Variants in TNIP3 observed in about 807,000 individuals in gnomAD.
The protein encoded by TNIP3 is TNFAIP3-interacting protein 3.
In TNIP3, 34 loss-of-function variants were observed where a neutral mutation model predicts 54.1. That is an observed-to-expected ratio of 0.63 (90% confidence interval 0.48 to 0.84). The LOEUF is 0.84. Ranked by LOEUF, TNIP3 falls within the 40% of genes least tolerant of loss-of-function variation. The pLI, the probability that TNIP3 is intolerant of heterozygous loss-of-function variation, is 0.00. For missense variants in TNIP3, 366 were observed against 387.6 expected, an observed-to-expected ratio of 0.94 and a Z score of 0.47; for synonymous variants, 134 against 136.8, an observed-to-expected ratio of 0.98 and a Z score of 0.14.
intron 5 of TNIP3, among the ~76,000 whole-genome samples, chr4:121,153,128 C>T (rs1242128497): frequency 6.6e-6 from 1 of 152,100 alleles, no homozygotes; most frequent in Non-Finnish European, 1.5e-5. Context: ...TATTTTTTCT[C>T]ATTGAGATTT....
At chr4:121,153,959 G>A (rs868484098) in intron 5 of TNIP3, among the ~76,000 whole-genome samples, 3 of 151,906 alleles carry the variant, frequency 2.0e-5, no homozygotes, top group Non-Finnish European at 4.4e-5. Flanking sequence ...ACTAGTTAGC[G>A]ACCCATTCCT....
chr4:121,181,446 T>C (rs1373213551), intron 3 of TNIP3, among the ~76,000 whole-genome samples: 5 of 152,322 alleles, frequency 3.3e-5, no homozygotes, highest in Middle Eastern at 3.4e-3. Flanking sequence ...TAACCATTAG[T>C]ACACATTCAT....
chr4:121,167,577 G>A (rs1730833002), upstream of TNIP3, among the ~76,000 whole-genome samples: 1 of 152,070 alleles, frequency 6.6e-6, no homozygotes, highest in African/African-American at 2.4e-5. Context: ...AAGTTTATTT[G>A]GATGAAATCA....
At chr4:121,180,605 G>T (rs1325633322) in intron 3 of TNIP3, among the ~76,000 whole-genome samples, 1 of 152,218 alleles carries the variant, frequency 6.6e-6, no homozygotes, top group Non-Finnish European at 1.5e-5. Context: ...TGTTGTGTAA[G>T]AGTGAGTTCA....
chr4:121,224,427 C>A (rs1727175288), intron 1 of TNIP3, among the ~76,000 whole-genome samples: 1 of 152,160 alleles, frequency 6.6e-6, no homozygotes, highest in Admixed American at 6.5e-5. Context: ...TCCCTGAGCA[C>A]TGGACTTCCG....
intron 2 of TNIP3, among the ~76,000 whole-genome samples, chr4:121,210,813 C>T (rs1579500027): frequency 6.6e-6 from 1 of 152,104 alleles, no homozygotes; most frequent in African/African-American, 2.4e-5. Flanking sequence ...CTCCTAAGGG[C>T]CCTATCTCCA....
chr4:121,208,728 C>T (rs1215802936), intron 2 of TNIP3, among the ~76,000 whole-genome samples: 1 of 152,162 alleles, frequency 6.6e-6, no homozygotes, highest in Non-Finnish European at 1.5e-5. Flanking sequence ...AAAATACATT[C>T]TTTGTCTCTG....
At chr4:121,224,690 A>G (rs1162414551) in intron 1 of TNIP3, among the ~76,000 whole-genome samples, 4 of 152,166 alleles carry the variant, frequency 2.6e-5, no homozygotes, top group African/African-American at 7.2e-5. Context: ...AAATGATTTT[A>G]GGTATTTCTT....
At chr4:121,173,509 G>GT (rs75249037) in intron 3 of TNIP3, among the ~76,000 whole-genome samples, 99 of 151,922 alleles carry the variant, frequency 6.5e-4, no homozygotes, top group African/African-American at 2.0e-3. Context: ...CTGTGTTTGA[G>GT]TTTTTTTTTA....
At chr4:121,182,495 C>G (rs544188629) in intron 3 of TNIP3, among the ~76,000 whole-genome samples, 1 of 152,160 alleles carries the variant, frequency 6.6e-6, no homozygotes, top group African/African-American at 2.4e-5. Flanking sequence ...TGAAGAATTT[C>G]TTTAGTAACA....
intron 2 of TNIP3, among the ~76,000 whole-genome samples, chr4:121,208,730 TTGTCTC>T (rs908216529): frequency 5.9e-5 from 9 of 152,174 alleles, no homozygotes; most frequent in African/African-American, 1.9e-4. Context: ...AATACATTCT[TTGTCTC>T]TGGTTCCTGG....
intron 10 of TNIP3, among the ~76,000 whole-genome samples, chr4:121,134,087 T>C (rs1176106752): frequency 1.3e-5 from 2 of 152,206 alleles, no homozygotes; most frequent in Admixed American, 1.3e-4. Flanking sequence ...CAGTATTTAA[T>C]TGGTTAGTAT....
At chr4:121,197,181 T>C (rs1725637513) in intron 2 of TNIP3, among the ~76,000 whole-genome samples, 1 of 152,166 alleles carries the variant, frequency 6.6e-6, no homozygotes, top group African/African-American at 2.4e-5. Context: ...ACTTGTTGTT[T>C]AGCTTTACTG....
chr4:121,151,224 C>G lies in TNIP3; in HGVS notation c.493-1005G>C, dbSNP rs534044761. ...GTCCTCTGTACAAATAGAAAAGGTT[C>G]ATTTTCAGAGATCTAAGAATAATTT... On this transcript the variant is annotated intron_variant, in intron 5 of 10. Transcript: ENST00000057513. 1.3e-3 allele frequency among the ~76,000 whole-genome samples: 199 copies of G among 152,256 alleles called. 1 individual carries two copies. Among genetic ancestry groups the G allele is most frequent in the African/African-American group, 4.6e-3 (193 of 41,560 alleles).
intron 3 of TNIP3, among the ~76,000 whole-genome samples, chr4:121,172,283 T>G (rs943579207): frequency 6.6e-6 from 1 of 152,154 alleles, no homozygotes; most frequent in African/African-American, 2.4e-5. Flanking sequence ...AGATTTCCTA[T>G]GTTCCTGGGA....
intron 1 of TNIP3, 57 bp downstream of exon 1, chr4:121,164,003 T>C (rs1198231610): frequency 5.4e-5 from 86 of 1,592,516 alleles, no homozygotes; most frequent in Non-Finnish European, 7.0e-5. Context: ...AATTAACCAC[T>C]AGAAATGCCA....
At chr4:121,177,980 G>T (rs867476451) in intron 3 of TNIP3, among the ~76,000 whole-genome samples, 1 of 152,158 alleles carries the variant, frequency 6.6e-6, no homozygotes, top group African/African-American at 2.4e-5. Flanking sequence ...GAATTTACCC[G>T]GGGGAGAGAA....
At chr4:121,198,625 TGCC>T (rs1725724866) in intron 2 of TNIP3, among the ~76,000 whole-genome samples, 3 of 152,236 alleles carry the variant, frequency 2.0e-5, no homozygotes, top group Admixed American at 2.0e-4. Flanking sequence ...AGCATTATTT[TGCC>T]TCTAAACAAA....
At chr4:121,169,409 C>T (rs1349584916) in intron 3 of TNIP3, among the ~76,000 whole-genome samples, 4 of 152,152 alleles carry the variant, frequency 2.6e-5, no homozygotes, top group Admixed American at 2.0e-4. Context: ...AAATTGCTCT[C>T]CACCCCAGCA....
Sources: allele counts gnomAD v4.1 joint callset (sites outside exome capture counted in the v4.1 genomes callset), GRCh38; gene constraint gnomAD v4.1.1; transcripts MANE v1.5; gene names NCBI Gene and HGNC (gene_info 2026-07-23, HGNC 2026-07-21).